Variants in LSAMP observed in about 807,000 individuals in gnomAD.
The protein encoded by LSAMP is limbic system-associated membrane protein.
Under a neutral mutation model 38.6 loss-of-function variants are expected in LSAMP, and 7 were observed. The ratio of observed to expected loss-of-function variants is 0.18; its 90% CI spans 0.10 to 0.34. The LOEUF (loss-of-function observed/expected upper bound fraction) is 0.34, where lower values mean the gene tolerates loss of function less well. Among genes scored for constraint, LSAMP ranks in the 10% least tolerant of loss-of-function variants. LSAMP has a pLI of 1.00. For synonymous variants in LSAMP, 154 were observed against 166.8 expected, an observed-to-expected ratio of 0.92 and a Z score of 0.59; for missense variants, 313 against 420.0, an observed-to-expected ratio of 0.75 and a Z score of 2.23.
intron 6 of LSAMP, among the ~76,000 whole-genome samples, chr3:115,811,183 A>C (rs1933817977): frequency 6.6e-6 from 1 of 152,192 alleles, no homozygotes; most frequent in Admixed American, 6.5e-5. Flanking sequence ...TGGAATGGCC[A>C]TCCGTGTTTC....
At chr3:115,904,535 T>C (rs1271668168) in intron 3 of LSAMP, among the ~76,000 whole-genome samples, 1 of 152,128 alleles carries the variant, frequency 6.6e-6, no homozygotes, top group Admixed American at 6.6e-5. Flanking sequence ...CCAAACACTT[T>C]ACAACTTATT....
chr3:116,067,610 T>C (rs1477348799), intron 2 of LSAMP, among the ~76,000 whole-genome samples: 1 of 152,214 alleles, frequency 6.6e-6, no homozygotes, highest in Non-Finnish European at 1.5e-5. Context: ...GCCCCATCAA[T>C]CATGGGCCAT....
chr3:116,354,939 T>C (rs988499479), intron 1 of LSAMP, among the ~76,000 whole-genome samples: 4 of 151,990 alleles, frequency 2.6e-5, no homozygotes, highest in Admixed American at 2.6e-4. Context: ...GAACACAACA[T>C]GTATATCAAA....
intron 1 of LSAMP, among the ~76,000 whole-genome samples, chr3:116,399,347 G>C (rs982440233): frequency 6.6e-6 from 1 of 152,156 alleles, no homozygotes; most frequent in Non-Finnish European, 1.5e-5. Context: ...TACCATTGGA[G>C]GTGCTTTTAA....
intron 3 of LSAMP, among the ~76,000 whole-genome samples, chr3:115,936,415 G>T (rs1053292755): frequency 1.3e-5 from 2 of 152,142 alleles, no homozygotes; most frequent in African/African-American, 4.8e-5. Flanking sequence ...TTAATTTGGT[G>T]TGCTTTTTCT....
intron 1 of LSAMP, among the ~76,000 whole-genome samples, chr3:116,220,260 CAG>C (rs1161921985): frequency 7.7e-5 from 11 of 143,228 alleles, no homozygotes; most frequent in African/African-American, 2.6e-4. Flanking sequence ...TATAAAAAAA[CAG>C]AAGATAAGGG....
intron 1 of LSAMP, among the ~76,000 whole-genome samples, chr3:116,248,477 ATGTGTGTGTGTG>A (rs3028670): frequency 0.089 from 12,482 of 140,990 alleles, 764 homozygotes; most frequent in African/African-American, 0.14. Context: ...CCTGTCTCTA[ATGTGTGTGTGTG>A]TGTGTGTGTG....
At chr3:116,146,658 T>A (rs1403425089) in intron 1 of LSAMP, among the ~76,000 whole-genome samples, 1 of 151,860 alleles carries the variant, frequency 6.6e-6, no homozygotes, top group Non-Finnish European at 1.5e-5. Flanking sequence ...TGAGAGAAGA[T>A]GTTGACATGA....
At chr3:116,157,384 G>A (rs1709778166) in intron 1 of LSAMP, among the ~76,000 whole-genome samples, 2 of 152,186 alleles carry the variant, frequency 1.3e-5, no homozygotes, top group South Asian at 2.1e-4. Flanking sequence ...GCGCTCCTAT[G>A]TTCATTACTT....
chr3:116,230,768 G>A (rs993864098), intron 1 of LSAMP, among the ~76,000 whole-genome samples: 8 of 152,020 alleles, frequency 5.3e-5, no homozygotes, highest in African/African-American at 1.7e-4. Flanking sequence ...AATTAATGCC[G>A]TTAGCTTTGT....
chr3:116,292,964 C>T (rs1380395487), intron 1 of LSAMP, among the ~76,000 whole-genome samples: 2 of 152,178 alleles, frequency 1.3e-5, no homozygotes, highest in African/African-American at 4.8e-5. Flanking sequence ...CTATGTCAGC[C>T]TTAACAAAAG....
chr3:116,358,911 C>G (rs1468500655), intron 1 of LSAMP, among the ~76,000 whole-genome samples: 2 of 152,100 alleles, frequency 1.3e-5, no homozygotes, highest in Non-Finnish European at 2.9e-5. Context: ...ATATAGAGTA[C>G]AAAGAAATAG....
intron 3 of LSAMP, among the ~76,000 whole-genome samples, chr3:115,935,479 G>A (rs529553990): frequency 9.0e-4 from 137 of 152,308 alleles, no homozygotes; most frequent in Non-Finnish European, 1.6e-3. Context: ...TGCTTCACAC[G>A]CTGCTCGTCC....
chr3:116,183,587 T>C (rs1346205189), intron 1 of LSAMP, among the ~76,000 whole-genome samples: 2 of 151,868 alleles, frequency 1.3e-5, no homozygotes, highest in Non-Finnish European at 2.9e-5. Context: ...GTTTCCTTAT[T>C]TCTAAAATGA....
chr3:116,436,874 G>A (rs1219415033), intron 1 of LSAMP, among the ~76,000 whole-genome samples: 1 of 151,996 alleles, frequency 6.6e-6, no homozygotes, highest in Non-Finnish European at 1.5e-5. Flanking sequence ...AAAGATACTT[G>A]CACACGCATG....
intron 1 of LSAMP, among the ~76,000 whole-genome samples, chr3:116,203,618 C>T (rs2046022301): frequency 7.1e-6 from 1 of 141,834 alleles, no homozygotes; most frequent in South Asian, 2.2e-4. Flanking sequence ...TCTCATTGTT[C>T]AATTCCCACC....
intron 5 of LSAMP, 63 bp from the exon 6 acceptor site, chr3:115,842,056 T>C (rs577656270): frequency 6.6e-7 from 1 of 1,518,554 alleles, no homozygotes; most frequent in East Asian, 2.3e-5. Flanking sequence ...TTAGGAATTC[T>C]TTCCCCATCC....
intron 3 of LSAMP, among the ~76,000 whole-genome samples, chr3:115,929,638 C>T (rs1409437400): frequency 6.6e-6 from 1 of 151,884 alleles, no homozygotes; most frequent in African/African-American, 2.4e-5. Context: ...TAAATTTTAC[C>T]TGTTGAATAG....
At position 116,440,573 on chromosome 3, in the gene LSAMP, G is replaced by A. The variant is rs1007647552; in HGVS notation, c.155+4304C>T. 2.5e-4 allele frequency among the ~76,000 whole-genome samples: 38 copies of A among 152,112 alleles called. 1 individual carries two copies. Among genetic ancestry groups the A allele is most frequent in the Admixed American group, 2.2e-3 (34 of 15,266 alleles). ...GGTGGCCACAATTTGCTTTTCTTGC[G>A]AGATTTGCCCACTCTGTTTCTCAGG... On this transcript the variant is annotated intron_variant, in intron 1 of 6. Transcript: ENST00000490035.
Sources: gnomAD v4.1 joint callset for allele counts (sites outside exome capture counted in the v4.1 genomes callset) on GRCh38, gnomAD v4.1.1 for gene constraint, MANE v1.5 for transcripts, NCBI Gene and HGNC (gene_info 2026-07-23, HGNC 2026-07-21) for gene names.